Variants in PTPRD observed in about 807,000 individuals in gnomAD.
PTPRD encodes receptor-type tyrosine-protein phosphatase delta.
A neutral mutation model predicts 214.5 loss-of-function variants in PTPRD; 34 were observed. The ratio of observed to expected loss-of-function variants is 0.16; its 90% CI spans 0.12 to 0.21. The LOEUF is 0.21. PTPRD is among the 10% of genes least tolerant of loss of function. PTPRD has a pLI of 1.00. For missense variants in PTPRD, 2,545 were observed against 2,398.7 expected (o/e 1.06, Z -1.27); for synonymous variants, 1,128 against 845.7 (o/e 1.33, Z -5.79).
Position 9,044,156 on chromosome 9 carries a change from T to C in PTPRD, c.-142-25421A>G, listed in dbSNP as rs142252371. On this transcript the variant is annotated intron_variant, in intron 10 of 45. Coordinates refer to ENST00000381196, the MANE Select transcript of PTPRD (RefSeq NM_002839.4). Reference sequence around the variant, plus strand: ...TATATGACAACATGAACTTCCATTCTGTTTTTACAGATTCAGATGGAAAAT... The same window carrying C: ...TATATGACAACATGAACTTCCATTCCGTTTTTACAGATTCAGATGGAAAAT... Among the ~76,000 whole-genome samples the C allele has an allele frequency of 5.7e-3, 873 of 152,316 alleles. 5 individuals carry two copies. Among genetic ancestry groups the C allele is most frequent in the South Asian group, 0.013 (63 of 4,830 alleles).
At chr9:9,778,564 G>C (rs1054916376) in intron 5 of PTPRD, among the ~76,000 whole-genome samples, 1 of 152,176 alleles carries the variant, frequency 6.6e-6, no homozygotes, top group Non-Finnish European at 1.5e-5. Context: ...AGGCATGTCT[G>C]TTTTGTAAGT....
At chr9:9,703,154 T>C (rs957609690) in intron 7 of PTPRD, among the ~76,000 whole-genome samples, 3 of 152,142 alleles carry the variant, frequency 2.0e-5, no homozygotes. Flanking sequence ...CTGATGGTTT[T>C]ATACATTTAA....
intron 12 of PTPRD, among the ~76,000 whole-genome samples, chr9:8,658,589 TCA>T (rs1361507690): frequency 6.6e-6 from 1 of 151,202 alleles, no homozygotes; most frequent in Non-Finnish European, 1.5e-5. Context: ...ATACGTATCC[TCA>T]GAGATCCACA....
At position 8,690,184 on chromosome 9, in the gene PTPRD, G is replaced by C. The variant is rs563584760; in HGVS notation, c.64+43596C>G. On this transcript the variant is annotated intron_variant, in intron 12 of 45. Transcript: ENST00000381196. ...ACTCCTTCTGCAACAAAGTCACAAAGGTAGGATATTTTTTCACATATATGA... is the reference window on the plus strand; with the variant it reads ...ACTCCTTCTGCAACAAAGTCACAAACGTAGGATATTTTTTCACATATATGA... Among the ~76,000 whole-genome samples, 7 of 151,690 alleles carry C rather than the reference G, an allele frequency of 4.6e-5. No homozygotes were observed. The South Asian group carries it at 1.3e-3, about 27-fold the overall frequency.
intron 10 of PTPRD, among the ~76,000 whole-genome samples, chr9:9,144,677 TG>T (rs1239497326): frequency 6.6e-6 from 1 of 151,968 alleles, no homozygotes; most frequent in Non-Finnish European, 1.5e-5. Context: ...CACTTGAACC[TG>T]GGAGGGGGAG....
At position 9,251,402 on chromosome 9, in the gene PTPRD, T is replaced by C. The variant is rs139430194; in HGVS notation, c.-202-68039A>G. Among the ~76,000 whole-genome samples, 40 of 152,250 alleles carry C rather than the reference T, an allele frequency of 2.6e-4. No homozygotes were observed. In the East Asian group the frequency reaches 7.0e-3, roughly 27 times the overall value. On this transcript the variant is annotated intron_variant, in intron 9 of 45. Transcript: ENST00000381196. ...ATCCCTATACATATTCATACATACT[T>C]GCTAGTAAGTTTTAAAGCTCTATGC...
intron 2 of PTPRD, among the ~76,000 whole-genome samples, chr9:10,516,776 T>C (rs559434349): frequency 1.3e-5 from 2 of 151,960 alleles, no homozygotes; most frequent in Non-Finnish European, 2.9e-5. Flanking sequence ...GGTCCAATTT[T>C]ATTATTTTGC....
At chr9:9,473,655 C>T (rs1288237071) in intron 8 of PTPRD, among the ~76,000 whole-genome samples, 1 of 152,044 alleles carries the variant, frequency 6.6e-6, no homozygotes, top group South Asian at 2.1e-4. Flanking sequence ...ACTTCATTCT[C>T]TTGATGATGG....
chr9:9,664,407 T>C (rs2096676127), intron 7 of PTPRD, among the ~76,000 whole-genome samples: 2 of 151,640 alleles, frequency 1.3e-5, no homozygotes, highest in South Asian at 4.1e-4. Flanking sequence ...ATACATTAAC[T>C]ACATTTATGA....
chr9:9,810,272 T>C (rs916998956), intron 5 of PTPRD, among the ~76,000 whole-genome samples: 2 of 152,170 alleles, frequency 1.3e-5, no homozygotes, highest in Non-Finnish European at 2.9e-5. Context: ...ACTGCTTGTG[T>C]TATTGATAAG....
In PTPRD at chr9:9,727,828, C is replaced by G. The variant is rs564810814; in HGVS notation, c.-287+6705G>C. On this transcript the variant is annotated intron_variant, in intron 7 of 45. Coordinates refer to ENST00000381196, the MANE Select transcript of PTPRD (RefSeq NM_002839.4). ...GAAAGCTATCGTAGGTATGTAACCT[C>G]TCAAGTTGGGTTGAACTCCACATGT... Among the ~76,000 whole-genome samples, 5 of 152,288 alleles carry G rather than the reference C, an allele frequency of 3.3e-5. No individual in the cohort carries two copies. In the South Asian group the frequency reaches 8.3e-4, roughly 25 times the overall value.
intron 5 of PTPRD, among the ~76,000 whole-genome samples, chr9:9,883,568 TAAG>T (rs1387754362): frequency 1.3e-5 from 2 of 152,276 alleles, no homozygotes; most frequent in East Asian, 3.9e-4. Context: ...TTATGAATTT[TAAG>T]AAGAATAGAT....
At chr9:9,811,370 C>T (rs1481367563) in intron 5 of PTPRD, among the ~76,000 whole-genome samples, 1 of 152,124 alleles carries the variant, frequency 6.6e-6, no homozygotes, top group Non-Finnish European at 1.5e-5. Flanking sequence ...GCCAAAATCT[C>T]ATGATGAAAC....
intron 9 of PTPRD, among the ~76,000 whole-genome samples, chr9:9,360,342 T>C (rs2055601065): frequency 6.6e-6 from 1 of 151,162 alleles, no homozygotes; most frequent in South Asian, 2.1e-4. Context: ...AAGCAAATAA[T>C]AGGAAAAAGA....
intron 2 of PTPRD, among the ~76,000 whole-genome samples, chr9:10,601,979 G>C (rs1293952185): frequency 2.6e-5 from 4 of 151,812 alleles, no homozygotes; most frequent in Non-Finnish European, 5.9e-5. Context: ...TGTTCACTAC[G>C]TGTTTACATA....
intron 11 of PTPRD, among the ~76,000 whole-genome samples, chr9:8,797,350 A>T (rs1345266767): frequency 6.6e-6 from 1 of 152,230 alleles, no homozygotes; most frequent in Non-Finnish European, 1.5e-5. Flanking sequence ...AAAAGTCATG[A>T]ATACCAAACT....
chr9:8,692,607 T>C (rs983679024), intron 12 of PTPRD, among the ~76,000 whole-genome samples: 47 of 152,230 alleles, frequency 3.1e-4, no homozygotes, highest in African/African-American at 1.1e-3. Flanking sequence ...GAAAATGGCA[T>C]ATTGAAATTA....
At chr9:10,372,208 A>G (rs1473542824) in intron 2 of PTPRD, among the ~76,000 whole-genome samples, 1 of 151,876 alleles carries the variant, frequency 6.6e-6, no homozygotes, top group Non-Finnish European at 1.5e-5. Flanking sequence ...TATTACAATG[A>G]CCTCCCTTCC....
chr9:9,571,225 T>G (rs928259218), intron 8 of PTPRD, among the ~76,000 whole-genome samples: 7 of 151,496 alleles, frequency 4.6e-5, no homozygotes, highest in Non-Finnish European at 7.4e-5. Flanking sequence ...TCCTGATTTT[T>G]ATACCATCCT....
Sources: allele counts gnomAD v4.1 joint callset (sites outside exome capture counted in the v4.1 genomes callset), GRCh38; gene constraint gnomAD v4.1.1; transcripts MANE v1.5; gene names NCBI Gene and HGNC (gene_info 2026-07-23, HGNC 2026-07-21).